Variants in SRGAP2 observed in about 807,000 individuals in gnomAD.
SRGAP2 encodes the protein SLIT-ROBO Rho GTPase-activating protein 2.
Under a neutral mutation model 57.2 loss-of-function variants are expected in SRGAP2, and 15 were observed. That is an observed-to-expected ratio of 0.26 (90% CI 0.18 to 0.40). The LOEUF is 0.40. Among genes scored for constraint, SRGAP2 ranks in the 10% least tolerant of loss-of-function variants. The pLI, the probability that SRGAP2 is intolerant of heterozygous loss-of-function variation, is 1.00. For missense variants in SRGAP2, 520 were observed against 669.6 expected, an observed-to-expected ratio of 0.78 and a Z score of 2.47; for synonymous variants, 249 against 248.0, an observed-to-expected ratio of 1.00 and a Z score of -0.04.
At chr1:206,276,466 G>T (rs1417409738) in intron 2 of SRGAP2, among the ~76,000 whole-genome samples, 2 of 138,128 alleles carry the variant, frequency 1.4e-5, no homozygotes, top group East Asian at 2.2e-4. Flanking sequence ...TGTGTGGGGT[G>T]GGGGGTGGGG....
At chr1:206,439,442 T>C (rs986700208) in intron 16 of SRGAP2, among the ~76,000 whole-genome samples, 3 of 151,752 alleles carry the variant, frequency 2.0e-5, no homozygotes, top group Admixed American at 6.6e-5. Flanking sequence ...AGATGGCATG[T>C]GTGGAGTGAG....
chr1:206,372,923 C>CTT (rs1553342869), intron 4 of SRGAP2, among the ~76,000 whole-genome samples: 1 of 6,782 alleles, frequency 1.5e-4, no homozygotes, highest in Non-Finnish European at 2.2e-4. Flanking sequence ...TTCTTTCTTT[C>CTT]TTTCTTTCTT....
intron 2 of SRGAP2, among the ~76,000 whole-genome samples, chr1:206,291,807 C>T (rs1169605170): frequency 6.7e-6 from 1 of 148,798 alleles, no homozygotes; most frequent in East Asian, 1.9e-4. Flanking sequence ...TTCTTATAAC[C>T]AACCAGTCAC....
At chr1:206,451,816 G>A (rs911982786) in intron 19 of SRGAP2, among the ~76,000 whole-genome samples, 5 of 152,152 alleles carry the variant, frequency 3.3e-5, no homozygotes, top group Non-Finnish European at 7.4e-5. Context: ...TAACGTACCC[G>A]AGGCTGTAGA....
rs1448164719 is a variant in SRGAP2 at position 206,228,827 on chromosome 1, A to T, written c.67+22790A>T. ...AGCAGGGTAATTCCATCAGCGCTTT[A>T]AAAAAAAAAAAAAAAAGATTACATT... On this transcript the variant is annotated intron_variant, in intron 2 of 22. Coordinates refer to ENST00000573034, the MANE Select transcript of SRGAP2 (RefSeq NM_015326.5). Among the ~76,000 whole-genome samples, 7 of 99,370 alleles carry T rather than the reference A, an allele frequency of 7.0e-5. No homozygotes were observed. In the South Asian group the frequency reaches 1.0e-3, roughly 14 times the overall value. The allele number at this position is 99,370 out of a possible 152,430, so 65.2% of individuals were successfully genotyped here.
chr1:206,337,149 G>C (rs1306885684), intron 3 of SRGAP2, among the ~76,000 whole-genome samples: 1 of 149,638 alleles, frequency 6.7e-6, no homozygotes, highest in Non-Finnish European at 1.5e-5. Context: ...TTGGCAATCT[G>C]TGCTCCCTTT....
chr1:206,418,886 CTCTGTGTGTGTGTGTGTG>C (rs1660011630), intron 11 of SRGAP2, among the ~76,000 whole-genome samples: 2 of 107,342 alleles, frequency 1.9e-5, no homozygotes, highest in African/African-American at 9.4e-5. Flanking sequence ...CTCCAACTCT[CTCTGTGTGTGTGTGTGTG>C]TGTGTGTGTG....
chr1:206,366,003 A>G (rs1291612742), intron 4 of SRGAP2, among the ~76,000 whole-genome samples: 2 of 152,246 alleles, frequency 1.3e-5, no homozygotes, highest in Non-Finnish European at 2.9e-5. Flanking sequence ...TTCTAGAAAC[A>G]GTACTGATGA....
intron 11 of SRGAP2, among the ~76,000 whole-genome samples, chr1:206,417,673 G>T (rs1222517514): frequency 1.3e-5 from 2 of 151,990 alleles, no homozygotes; most frequent in African/African-American, 4.8e-5. Context: ...GCCGGCCTCG[G>T]CCTCCCAAAG....
intron 18 of SRGAP2, among the ~76,000 whole-genome samples, chr1:206,447,795 A>G (rs556742879): frequency 2.6e-5 from 4 of 152,354 alleles, no homozygotes; most frequent in African/African-American, 7.2e-5. Context: ...CCCGGGGCAC[A>G]GAGACCCCTA....
chr1:206,265,691 A>C (rs1669800341), intron 2 of SRGAP2, among the ~76,000 whole-genome samples: 1 of 151,456 alleles, frequency 6.6e-6, no homozygotes, highest in Non-Finnish European at 1.5e-5. Flanking sequence ...GATATTTTTG[A>C]AAGTTGTGTG....
intron 2 of SRGAP2, among the ~76,000 whole-genome samples, chr1:206,249,419 A>T (rs1446912320): frequency 6.6e-6 from 1 of 152,212 alleles, no homozygotes; most frequent in Non-Finnish European, 1.5e-5. Flanking sequence ...GCCATAAAAA[A>T]AGAATGAGTT....
Position 206,381,314 on chromosome 1 carries a change from A to G in SRGAP2, c.424-2700A>G, listed in dbSNP as rs1372250143. ...CTCCTTTAACCTCTGCCATTCAAAC[A>G]TAAGGAGGAGTTAAGAAACGATAGG... On this transcript the variant is annotated intron_variant, in intron 4 of 22. Transcript: ENST00000573034. Among the ~76,000 whole-genome samples the G allele has an allele frequency of 2.3e-3, 339 of 146,680 alleles. 2 individuals are homozygous for G. The highest frequency in any genetic ancestry group is 6.9e-3 in the African/African-American group (271 of 39,400).
rs1460376218 is a variant in SRGAP2 at position 206,206,358 on chromosome 1, C to G, written c.67+321C>G. 4.2e-5 allele frequency: 11 copies of G among 259,416 alleles called. 1 individual carries two copies. The highest frequency in any genetic ancestry group is 2.0e-4 in the East Asian group (3 of 14,882). The allele number at this position is 259,416 out of a possible 1,614,324, so 16.1% of individuals were successfully genotyped here. A position where few individuals can be genotyped will look rare whatever the true frequency, so the allele number is the denominator to read the frequency against. ...CTCTTAGAGAAAGGCAGTTTGCCTC[C>G]GGTTCTCTGGGTCAGGTTTCCTTGA... On this transcript the variant is annotated intron_variant, in intron 2 of 22. Transcript: ENST00000573034.
At chr1:206,210,593 G>A (rs1385208066) in intron 2 of SRGAP2, among the ~76,000 whole-genome samples, 14 of 149,574 alleles carry the variant, frequency 9.4e-5, no homozygotes, top group Non-Finnish European at 1.5e-4. Flanking sequence ...AACTGGAGTC[G>A]TATTGTGTGT....
At chr1:206,255,043 C>G (rs1669100619) in intron 2 of SRGAP2, among the ~76,000 whole-genome samples, 1 of 151,464 alleles carries the variant, frequency 6.6e-6, no homozygotes, top group South Asian at 2.1e-4. Context: ...ATGCTTAATA[C>G]TCCAGTAAGC....
intron 14 of SRGAP2, among the ~76,000 whole-genome samples, chr1:206,432,388 T>C (rs935100279): frequency 6.6e-6 from 1 of 152,218 alleles, no homozygotes; most frequent in Non-Finnish European, 1.5e-5. Context: ...AAACTTCATA[T>C]GCACTTACGA....
intron 13 of SRGAP2, among the ~76,000 whole-genome samples, chr1:206,423,547 C>CG (rs1456561090): frequency 2.6e-5 from 4 of 152,152 alleles, no homozygotes; most frequent in Non-Finnish European, 1.5e-5. Flanking sequence ...TGTTTGTGTT[C>CG]GGGGGGACTC....
chr1:206,260,400 A>G (rs1337189868), intron 2 of SRGAP2, among the ~76,000 whole-genome samples: 1 of 152,132 alleles, frequency 6.6e-6, no homozygotes, highest in African/African-American at 2.4e-5. Context: ...TTTGAAAGGC[A>G]TATATGTTGA....
Sources: gnomAD v4.1 joint callset for allele counts (sites outside exome capture counted in the v4.1 genomes callset) on GRCh38, gnomAD v4.1.1 for gene constraint, MANE v1.5 for transcripts, NCBI Gene and HGNC (gene_info 2026-07-23, HGNC 2026-07-21) for gene names.